Variants in MLLT10 observed in about 807,000 individuals in gnomAD.
MLLT10 encodes protein AF-10.
In MLLT10, 30 loss-of-function variants were observed where a neutral mutation model predicts 129.1. The ratio of observed to expected loss-of-function variants is 0.23; its 90% CI spans 0.17 to 0.32. The LOEUF (loss-of-function observed/expected upper bound fraction) is 0.32. MLLT10 is among the 10% of genes least tolerant of loss of function. MLLT10 has a pLI of 1.00. For missense variants in MLLT10, 1,119 were observed against 1,268.3 expected, an observed-to-expected ratio of 0.88 and a Z score of 1.79; for synonymous variants, 490 against 446.4, an observed-to-expected ratio of 1.10 and a Z score of -1.23.
At chr10:21,659,985 A>T (rs529903270) in intron 9 of MLLT10, among the ~76,000 whole-genome samples, 2 of 151,764 alleles carry the variant, frequency 1.3e-5, no homozygotes, top group East Asian at 4.0e-4. Context: ...ACCTTGCTTA[A>T]ACTTTTTTTT....
chr10:21,712,369 A>G (rs1222463733), intron 13 of MLLT10, among the ~76,000 whole-genome samples: 5 of 152,126 alleles, frequency 3.3e-5, no homozygotes, highest in Non-Finnish European at 5.9e-5. Context: ...ATGTGCCACC[A>G]TGCCTGGCTA....
chr10:21,663,649 C>A (rs1046790578), intron 9 of MLLT10, among the ~76,000 whole-genome samples: 1 of 152,192 alleles, frequency 6.6e-6, no homozygotes, highest in Non-Finnish European at 1.5e-5. Context: ...ACTGCAAGCT[C>A]CATCTCCCAG....
chr10:21,724,579 T>G (rs79840928), intron 14 of MLLT10, among the ~76,000 whole-genome samples: 5 of 152,252 alleles, frequency 3.3e-5, no homozygotes, highest in Non-Finnish European at 7.3e-5. Context: ...AAGCTTCAGT[T>G]TGATTTCATT....
At chr10:21,735,613 TTTTAGATAGGA>T (rs2058301324) in intron 21 of MLLT10, among the ~76,000 whole-genome samples, 1 of 152,082 alleles carries the variant, frequency 6.6e-6, no homozygotes, top group African/African-American at 2.4e-5. Context: ...CCGAGGACCA[TTTTAGATAGGA>T]TGGCCCCGCC....
chr10:21,707,542 C>T (rs1034596775), intron 13 of MLLT10, among the ~76,000 whole-genome samples: 1 of 152,126 alleles, frequency 6.6e-6, no homozygotes, highest in African/African-American at 2.4e-5. Context: ...TGTCCGTGTT[C>T]AGTACTACTA....
intron 13 of MLLT10, among the ~76,000 whole-genome samples, chr10:21,690,638 G>A (rs560502415): frequency 6.6e-6 from 1 of 151,716 alleles, no homozygotes; most frequent in South Asian, 2.1e-4. Flanking sequence ...CTCTCCTCTT[G>A]TATTTTTTTG....
At chr10:21,557,674 C>G (rs1207818041) in intron 3 of MLLT10, 2 of 152,220 alleles carry the variant, frequency 1.3e-5, no homozygotes, top group South Asian at 2.1e-4. Context: ...GTTTCCAGCC[C>G]CTTTTACCAG....
intron 3 of MLLT10, among the ~76,000 whole-genome samples, chr10:21,558,766 G>A (rs1413663470): frequency 6.6e-6 from 1 of 152,108 alleles, no homozygotes; most frequent in African/African-American, 2.4e-5. Context: ...CAGTTCCACA[G>A]TGGCACTATG....
intron 3 of MLLT10, among the ~76,000 whole-genome samples, chr10:21,552,772 A>G (rs1172970103): frequency 1.3e-5 from 2 of 150,690 alleles, no homozygotes; most frequent in Non-Finnish European, 3.0e-5. Context: ...CCTTCCTTTT[A>G]TCTTCTTTTC....
chr10:21,602,499 G>C (rs955202433), intron 5 of MLLT10, among the ~76,000 whole-genome samples: 7 of 152,104 alleles, frequency 4.6e-5, no homozygotes, highest in African/African-American at 1.7e-4. Context: ...CAGTGATGAA[G>C]AAACAAAGGA....
Position 21,713,759 on chromosome 10 carries a change from T to C in MLLT10, c.1700-13T>C, listed in dbSNP as rs1564701135. Reference sequence around the variant, plus strand: ...TGCTAAGTTATATTTAAATAACATTTGTTTTTTTGCAGGTATTTATAACAG... The same window carrying C: ...TGCTAAGTTATATTTAAATAACATTCGTTTTTTTGCAGGTATTTATAACAG... On this transcript the variant is annotated splice_polypyrimidine_tract_variant and intron_variant, in intron 13 of 22. Transcript: ENST00000307729. The C allele has an allele frequency of 1.9e-6, 3 of 1,600,802 alleles. No individual in the cohort carries two copies. The highest frequency in any genetic ancestry group is 2.6e-6 in the Non-Finnish European group (3 of 1,172,514).
chr10:21,578,856 A>G (rs185734807), intron 3 of MLLT10, among the ~76,000 whole-genome samples: 2 of 152,332 alleles, frequency 1.3e-5, no homozygotes, highest in African/African-American at 4.8e-5. Context: ...GTATATTATA[A>G]GCCCCAGAAA....
chr10:21,669,040 T>G, intron 9 of MLLT10: 2 of 1,378,526 alleles, frequency 1.5e-6, no homozygotes, highest in Non-Finnish European at 1.9e-6. Flanking sequence ...TGGAAAAGGT[T>G]CATATTTCTA....
At chr10:21,739,302 T>G (rs929500083) in intron 21 of MLLT10, among the ~76,000 whole-genome samples, 3 of 152,186 alleles carry the variant, frequency 2.0e-5, no homozygotes, top group African/African-American at 7.2e-5. Context: ...CTGGAGGCCT[T>G]TGGCACTGCC....
rs369982428 is a variant in MLLT10, at chr10:21,715,667, CTCAT to C, written c.1878+1723_1878+1726del. Among the ~76,000 whole-genome samples, 522 of 152,250 alleles carry C rather than the reference CTCAT, an allele frequency of 3.4e-3. 1 individual carries two copies. Among genetic ancestry groups the C allele is most frequent in the African/African-American group, 0.011 (474 of 41,536 alleles). ...AATTAAGTAAAAATCCCCATTTCTT[CTCAT>C]TCATTATGTCTGTGAGCCAGGGGGT... On this transcript the variant is annotated intron_variant, in intron 14 of 22. Transcript: ENST00000307729.
chr10:21,538,740 G>A lies in MLLT10; in HGVS notation c.161-93G>A, dbSNP rs969281335. The A allele has an allele frequency of 3.7e-5, 31 of 845,576 alleles. 1 individual carries two copies. The highest frequency in any genetic ancestry group is 1.8e-4 in the South Asian group (11 of 61,552). 52.4% of individuals were successfully genotyped at this position (845,576 alleles called of 1,614,324 possible). Reference sequence around the variant, plus strand: ...TGTAAAGAGGTAGTTTACTTGAATAGTGACAGGTGGATTAATAGGGCTTTG... The same window carrying A: ...TGTAAAGAGGTAGTTTACTTGAATAATGACAGGTGGATTAATAGGGCTTTG... On this transcript the variant is annotated intron_variant, in intron 2 of 22. Coordinates refer to ENST00000307729, the MANE Select transcript of MLLT10 (RefSeq NM_001195626.3).
In MLLT10 at chr10:21,742,339, A is replaced by C. The variant is rs1029158272; in HGVS notation, c.*356A>C. The C allele has an allele frequency of 3.9e-6, 1 of 253,732 alleles. No individual in the cohort carries two copies. Among genetic ancestry groups the C allele is most frequent in the Admixed American group, 5.5e-5 (1 of 18,326 alleles). The allele number at this position is 253,732 out of a possible 1,614,324, so 15.7% of individuals were successfully genotyped here. On this transcript the variant is annotated 3_prime_UTR_variant, in exon 23 of 23. Transcript: ENST00000307729. ...TTATAAATTGGAGATGCAAATAGCA[A>C]AACTAAATACTTGCTCCATTTACAA...
In MLLT10 at chr10:21,663,484, C is replaced by T. The variant is rs190369803; in HGVS notation, c.796-6965C>T. ...TTCTGCTTCCCGGGTTCAAGTAATT[C>T]TCCTGCCTCAGCCTCCCAAGTAGCT... is the stretch of plus-strand genomic sequence containing the variant. On this transcript the variant is annotated intron_variant, in intron 9 of 22. Coordinates refer to ENST00000307729, the MANE Select transcript of MLLT10 (RefSeq NM_001195626.3). Among the ~76,000 whole-genome samples the T allele has an allele frequency of 5.4e-5, 8 of 146,942 alleles. No homozygotes were observed. The East Asian group carries it at 1.6e-3, about 30-fold the overall frequency.
At position 21,724,459 on chromosome 10, in the gene MLLT10, C is replaced by G. The variant is rs1318034471; in HGVS notation, c.1879-1785C>G. ...GCAGTTATACATATCCAAATGTCCC[C>G]CATCTTTTGTTCTTGTTATTCAGCT... On this transcript the variant is annotated intron_variant, in intron 14 of 22. Transcript: ENST00000307729. Among the ~76,000 whole-genome samples, 8 of 152,300 alleles carry G rather than the reference C, an allele frequency of 5.3e-5. No individual in the cohort carries two copies. In the South Asian group the frequency reaches 1.7e-3, roughly 32 times the overall value.
Sources: allele counts gnomAD v4.1 joint callset (sites outside exome capture counted in the v4.1 genomes callset), GRCh38; gene constraint gnomAD v4.1.1; transcripts MANE v1.5; gene names NCBI Gene and HGNC (gene_info 2026-07-23, HGNC 2026-07-21).